Variants in SGPL1 observed in about 807,000 individuals in gnomAD.
The protein encoded by SGPL1 is sphingosine-1-phosphate lyase 1, also known as SP-lyase 1.
Under a neutral mutation model 68.9 loss-of-function variants are expected in SGPL1, and 37 were observed. The observed-to-expected ratio is 0.54, with a 90% confidence interval of 0.41 to 0.71. SGPL1 has a LOEUF of 0.71. SGPL1 is among the 30% of genes least tolerant of loss of function. The pLI is 0.00. For missense variants in SGPL1, 551 were observed against 704.6 expected (o/e 0.78, Z 2.47); for synonymous variants, 236 against 248.5 (o/e 0.95, Z 0.47).
chr10:70,858,835 C>G (rs1477283463), intron 6 of SGPL1, among the ~76,000 whole-genome samples: 1 of 152,156 alleles, frequency 6.6e-6, no homozygotes, highest in African/African-American at 2.4e-5. Flanking sequence ...TCCTACTCAT[C>G]TCTCAAAGTT....
At chr10:70,860,257 A>T in intron 7 of SGPL1, 1 of 388,574 alleles carries the variant, frequency 2.6e-6, no homozygotes, top group Non-Finnish European at 5.2e-6. Context: ...TTAACTCAAT[A>T]TGCTGCAATG....
chr10:70,833,948 G>T (rs188869414), intron 2 of SGPL1, among the ~76,000 whole-genome samples: 55 of 152,248 alleles, frequency 3.6e-4, no homozygotes, highest in Non-Finnish European at 6.3e-4. Context: ...TCTGGCCAAA[G>T]AATAAATATT....
intron 12 of SGPL1, 103 bp from the exon 13 acceptor site, chr10:70,875,299 A>C: frequency 1.4e-6 from 1 of 737,030 alleles, no homozygotes; most frequent in Non-Finnish European, 2.3e-6. Flanking sequence ...GTTAGATTGC[A>C]TTCATTATAA....
chr10:70,837,798 T>C (rs1488367041), intron 2 of SGPL1, among the ~76,000 whole-genome samples: 1 of 152,200 alleles, frequency 6.6e-6, no homozygotes, highest in African/African-American at 2.4e-5. Flanking sequence ...TGGGTAATTA[T>C]AAACAATAGA....
chr10:70,847,998 C>T (rs1316471105), intron 3 of SGPL1, among the ~76,000 whole-genome samples: 2 of 152,182 alleles, frequency 1.3e-5, no homozygotes, highest in Non-Finnish European at 2.9e-5. Flanking sequence ...GGGTTAGCAG[C>T]CTCTTCCTTA....
chr10:70,846,239 A>G (rs1237253847), intron 3 of SGPL1, among the ~76,000 whole-genome samples: 2 of 152,254 alleles, frequency 1.3e-5, no homozygotes, highest in South Asian at 2.1e-4. Flanking sequence ...CATCTGCTCA[A>G]TGGTTTGGAT....
At chr10:70,816,493 C>T (rs1321738252) in intron 1 of SGPL1, among the ~76,000 whole-genome samples, 2 of 152,138 alleles carry the variant, frequency 1.3e-5, no homozygotes, top group Non-Finnish European at 2.9e-5. Flanking sequence ...ACCTTCAGCC[C>T]GGGTTAGGTG....
At chr10:70,842,467 G>A (rs1318930189) in intron 2 of SGPL1, among the ~76,000 whole-genome samples, 1 of 152,132 alleles carries the variant, frequency 6.6e-6, no homozygotes, top group Non-Finnish European at 1.5e-5. Context: ...AAAGAAAAGA[G>A]GGTTAATTGG....
chr10:70,877,787 G>C lies in SGPL1; in HGVS notation c.*452G>C, dbSNP rs181252334. 1.3e-4 allele frequency: 19 copies of C among 150,864 alleles called. No individual in the cohort carries two copies. Among genetic ancestry groups the C allele is most frequent in the African/African-American group, 4.7e-4 (19 of 40,846 alleles). The allele number at this position is 150,864 out of a possible 1,614,324, so 9.3% of individuals were successfully genotyped here. ...GGTGTGAGGTATACTCTAAGCAGGA[G>C]GCTTTTTCAGCCTTCTCTCTCTTTT... On this transcript the variant is annotated 3_prime_UTR_variant, in exon 15 of 15. Coordinates refer to ENST00000373202, the MANE Select transcript of SGPL1 (RefSeq NM_003901.4).
chr10:70,854,964 T>G, intron 5 of SGPL1, 109 bp downstream of exon 5: 2 of 914,950 alleles, frequency 2.2e-6, no homozygotes, highest in South Asian at 5.7e-5. Context: ...TAATACATGT[T>G]TAGGAGGGCC....
intron 6 of SGPL1, among the ~76,000 whole-genome samples, chr10:70,858,095 C>G (rs1199888787): frequency 6.6e-6 from 1 of 152,112 alleles, no homozygotes; most frequent in Non-Finnish European, 1.5e-5. Context: ...AAATAATTCT[C>G]ATTCTTAGCT....
intron 7 of SGPL1, among the ~76,000 whole-genome samples, chr10:70,861,575 T>C (rs922282303): frequency 3.3e-5 from 5 of 152,190 alleles, no homozygotes; most frequent in Non-Finnish European, 1.5e-5. Context: ...ACCGCTGCAC[T>C]GTAGGAGCCC....
intron 2 of SGPL1, among the ~76,000 whole-genome samples, chr10:70,832,197 A>G (rs1845551931): frequency 6.6e-6 from 1 of 152,216 alleles, no homozygotes; most frequent in South Asian, 2.1e-4. Flanking sequence ...AGCTTTTAAA[A>G]GTAGGTTCTT....
chr10:70,826,118 G>A (rs1845431170), intron 2 of SGPL1, among the ~76,000 whole-genome samples: 1 of 152,174 alleles, frequency 6.6e-6, no homozygotes, highest in South Asian at 2.1e-4. Context: ...GCGGGAGGTG[G>A]AGGTTGCAGT....
intron 2 of SGPL1, among the ~76,000 whole-genome samples, chr10:70,826,300 C>A (rs1845436320): frequency 6.6e-6 from 1 of 152,198 alleles, no homozygotes; most frequent in South Asian, 2.1e-4. Context: ...CCATTCCATT[C>A]ATTCCCATTC....
At chr10:70,866,502 A>G (rs1369634845) in intron 7 of SGPL1, 2 of 152,224 alleles carry the variant, frequency 1.3e-5, no homozygotes, top group Non-Finnish European at 2.9e-5. Flanking sequence ...TAAAAGTAGG[A>G]CACATGAAGC....
intron 11 of SGPL1, among the ~76,000 whole-genome samples, 172 bp from the exon 12 acceptor site, chr10:70,873,179 T>A (rs1011675013): frequency 5.3e-5 from 8 of 152,240 alleles, no homozygotes; most frequent in Non-Finnish European, 1.0e-4. Flanking sequence ...CTCCATCCCT[T>A]AAGTTCCTAC....
At chr10:70,871,760 T>C in intron 10 of SGPL1, 77 bp from the exon 11 acceptor site, 1 of 1,405,926 alleles carries the variant, frequency 7.1e-7, no homozygotes, top group East Asian at 2.3e-5. Flanking sequence ...ATAGCCCATC[T>C]TTCCACCCAT....
chr10:70,875,006 C>G (rs12770815), intron 12 of SGPL1, among the ~76,000 whole-genome samples: 17,593 of 152,262 alleles, frequency 0.12, 1,241 homozygotes, highest in Non-Finnish European at 0.16. Flanking sequence ...CCATTTCTTG[C>G]TTTAGGGATT....
Sources: gnomAD v4.1 joint callset for allele counts (sites outside exome capture counted in the v4.1 genomes callset) on GRCh38, gnomAD v4.1.1 for gene constraint, MANE v1.5 for transcripts, NCBI Gene and HGNC (gene_info 2026-07-23, HGNC 2026-07-21) for gene names.